QKI: variants seen among roughly 807,000 people sequenced by gnomAD.
QKI encodes KH domain-containing RNA-binding protein QKI.
QKI carries 10 observed loss-of-function variants against 39.0 expected under a neutral mutation model. The observed-to-expected ratio is 0.26, with a 90% CI of 0.16 to 0.43. The LOEUF (loss-of-function observed/expected upper bound fraction) is 0.43. Among genes scored for constraint, QKI ranks in the 20% least tolerant of loss-of-function variants. The pLI, the probability that QKI is intolerant of heterozygous loss-of-function variation, is 1.00. For synonymous variants in QKI, 204 were observed against 155.4 expected, an observed-to-expected ratio of 1.31 and a Z score of -2.33; for missense variants, 218 against 428.0, an observed-to-expected ratio of 0.51 and a Z score of 4.33.
At chr6:163,465,191 T>C (rs1390469504) in intron 2 of QKI, among the ~76,000 whole-genome samples, 2 of 152,092 alleles carry the variant, frequency 1.3e-5, no homozygotes, top group Non-Finnish European at 2.9e-5. Context: ...CACAACATAA[T>C]AAAGGCTATG....
chr6:163,433,846 A>C (rs1789032366), intron 1 of QKI, among the ~76,000 whole-genome samples: 1 of 152,194 alleles, frequency 6.6e-6, no homozygotes, highest in Admixed American at 6.5e-5. Flanking sequence ...ATATTTTGTT[A>C]TGAACTTAAA....
intron 1 of QKI, among the ~76,000 whole-genome samples, chr6:163,432,890 TG>T (rs1788949237): frequency 1.3e-5 from 2 of 152,132 alleles, no homozygotes. Flanking sequence ...TTTTGAAGGG[TG>T]ATCTGAAAAG....
chr6:163,494,103 A>G (rs1186878071), intron 3 of QKI, among the ~76,000 whole-genome samples: 4 of 151,560 alleles, frequency 2.6e-5, no homozygotes, highest in Admixed American at 6.6e-5. Context: ...ACATCCTCCA[A>G]TTCAGCCAAC....
At chr6:163,513,333 A>G (rs990917678) in intron 3 of QKI, among the ~76,000 whole-genome samples, 3 of 152,182 alleles carry the variant, frequency 2.0e-5, no homozygotes, top group Admixed American at 1.3e-4. Context: ...GTAGAACTAA[A>G]CTTGATTGTA....
At chr6:163,554,921 C>T (rs2128247629) in intron 4 of QKI, among the ~76,000 whole-genome samples, 1 of 152,324 alleles carries the variant, frequency 6.6e-6, no homozygotes, top group Admixed American at 6.5e-5. Flanking sequence ...GCTTTAAAGA[C>T]AAATCCTTTT....
intron 3 of QKI, among the ~76,000 whole-genome samples, chr6:163,504,116 C>T (rs1420402299): frequency 1.3e-5 from 2 of 152,094 alleles, no homozygotes; most frequent in African/African-American, 4.8e-5. Flanking sequence ...GCTCTCCCAG[C>T]ACCATTTATT....
intron 1 of QKI, among the ~76,000 whole-genome samples, chr6:163,433,971 A>G (rs2128212058): frequency 6.6e-6 from 1 of 152,322 alleles, no homozygotes; most frequent in South Asian, 2.1e-4. Context: ...TTTCATTTTT[A>G]AAAAGGTTGG....
At chr6:163,570,544 C>G in intron 7 of QKI, 150 bp from the exon 8 acceptor site, 1 of 1,359,646 alleles carries the variant, frequency 7.4e-7, no homozygotes, top group Non-Finnish European at 9.5e-7. Flanking sequence ...TGGTGTCAAT[C>G]AGTTTGTCAG....
At chr6:163,486,217 TC>T (rs1349952814) in intron 3 of QKI, among the ~76,000 whole-genome samples, 3 of 152,204 alleles carry the variant, frequency 2.0e-5, no homozygotes, top group East Asian at 1.9e-4. Context: ...TATAGAAACT[TC>T]CATCTCTCAC....
Position 163,485,544 on chromosome 6 carries a change from C to T in QKI, c.402+6648C>T, listed in dbSNP as rs577761205. On this transcript the variant is annotated intron_variant, in intron 3 of 7. Transcript: ENST00000361752. ...ACACCATTTGTGGTTTTGTCTTATC[C>T]GTCTGCAATTTGTCAGCTCTTCTGA... 1.2e-4 allele frequency among the ~76,000 whole-genome samples: 18 copies of T among 152,248 alleles called. No individual in the cohort carries two copies. The South Asian group carries it at 1.7e-3, about 14-fold the overall frequency.
chr6:163,519,063 A>T (rs1419508402), intron 3 of QKI, among the ~76,000 whole-genome samples: 1 of 152,098 alleles, frequency 6.6e-6, no homozygotes, highest in Non-Finnish European at 1.5e-5. Context: ...CAGTGTGAAG[A>T]TCTGTTGGTA....
chr6:163,454,543 C>T (rs1056159253), intron 1 of QKI, among the ~76,000 whole-genome samples: 1 of 152,110 alleles, frequency 6.6e-6, no homozygotes, highest in African/African-American at 2.4e-5. Flanking sequence ...GTATTCGATA[C>T]TGTTGGTCAC....
intron 1 of QKI, among the ~76,000 whole-genome samples, chr6:163,454,687 T>C (rs952791741): frequency 3.9e-5 from 6 of 152,188 alleles, no homozygotes; most frequent in Admixed American, 2.6e-4. Flanking sequence ...ATTCCGTCCT[T>C]CTTTCTCCCA....
intron 3 of QKI, among the ~76,000 whole-genome samples, chr6:163,507,854 T>TA (rs2128234040): frequency 6.6e-6 from 1 of 152,168 alleles, no homozygotes; most frequent in African/African-American, 2.4e-5. Flanking sequence ...AATCAGCTGA[T>TA]ACCAACCATT....
intron 1 of QKI, among the ~76,000 whole-genome samples, chr6:163,422,143 G>C (rs535802238): frequency 6.6e-6 from 1 of 152,292 alleles, no homozygotes; most frequent in East Asian, 1.9e-4. Flanking sequence ...ATATATTGCA[G>C]AAGTGATTTA....
At chr6:163,514,388 A>T (rs1202626600) in intron 3 of QKI, among the ~76,000 whole-genome samples, 1 of 152,174 alleles carries the variant, frequency 6.6e-6, no homozygotes, top group African/African-American at 2.4e-5. Flanking sequence ...TCTTAAAGAT[A>T]TGTATTTTCA....
intron 3 of QKI, among the ~76,000 whole-genome samples, chr6:163,525,320 T>C (rs1323637621): frequency 6.7e-6 from 1 of 149,418 alleles, no homozygotes; most frequent in African/African-American, 2.5e-5. Flanking sequence ...TCCTCTTTTC[T>C]CTCTCTCCTC....
intron 1 of QKI, among the ~76,000 whole-genome samples, chr6:163,426,820 T>C (rs783137): frequency 0.94 from 143,151 of 152,290 alleles, 67,318 homozygotes; most frequent in East Asian, 0.98. Context: ...GGTTTGCTAG[T>C]TGCTTCAAAT....
chr6:163,493,662 G>A (rs2128229124), intron 3 of QKI, among the ~76,000 whole-genome samples: 1 of 152,162 alleles, frequency 6.6e-6, no homozygotes, highest in African/African-American at 2.4e-5. Flanking sequence ...TTAGGAGTTC[G>A]AGACCACCTT....
Sources: allele counts gnomAD v4.1 joint callset (sites outside exome capture counted in the v4.1 genomes callset), GRCh38; gene constraint gnomAD v4.1.1; transcripts MANE v1.5; gene names NCBI Gene and HGNC (gene_info 2026-07-23, HGNC 2026-07-21).